Variants in MED13L observed in about 807,000 individuals in gnomAD.
MED13L encodes the protein mediator complex subunit 13L.
A neutral mutation model predicts 220.9 loss-of-function variants in MED13L; 7 were observed. The observed-to-expected ratio is 0.03, with a 90% CI of 0.02 to 0.06. The LOEUF (loss-of-function observed/expected upper bound fraction) is 0.06, where lower values mean the gene tolerates loss of function less well. Among genes scored for constraint, MED13L ranks in the 10% least tolerant of loss-of-function variants. The pLI, the probability that MED13L is intolerant of heterozygous loss-of-function variation, is 1.00. For missense variants in MED13L, 1,965 were observed against 2,760.5 expected (o/e 0.71, Z 6.46); for synonymous variants, 1,011 against 1,015.2 (o/e 1.00, Z 0.08).
At position 116,217,542 on chromosome 12, in the gene MED13L, A is replaced by C. The variant is rs576792804; in HGVS notation, c.310+19926T>G. Among the ~76,000 whole-genome samples, 18 of 152,314 alleles carry C rather than the reference A, an allele frequency of 1.2e-4. 1 individual carries two copies. The East Asian group carries it at 3.5e-3, about 29-fold the overall frequency. On this transcript the variant is annotated intron_variant, in intron 2 of 30. Transcript: ENST00000281928. ...TTACAAAAGTCAAAAAAATTGGCTAAACATTTTAAACAAGAGAAACAAACT... is the reference window on the plus strand; with the variant it reads ...TTACAAAAGTCAAAAAAATTGGCTACACATTTTAAACAAGAGAAACAAACT...
At position 116,019,132 on chromosome 12, in the gene MED13L, G is replaced by C. The variant is rs1003812431; in HGVS notation, c.1009+92C>G. The C allele has an allele frequency of 2.3e-6, 3 of 1,297,078 alleles. No homozygotes were observed. The African/African-American group carries it at 4.5e-5, about 19-fold the overall frequency. The allele number at this position is 1,297,078 out of a possible 1,614,324, so 80.3% of individuals were successfully genotyped here. On this transcript the variant is annotated intron_variant, in intron 7 of 30. Transcript: ENST00000281928. ...TCTACTACCTCCATCTCTTCCAACA[G>C]GAATTTCTGTTTTCTCACCTGTTCC...
intron 2 of MED13L, among the ~76,000 whole-genome samples, chr12:116,178,069 G>C (rs996019303): frequency 6.6e-6 from 1 of 151,982 alleles, no homozygotes; most frequent in Non-Finnish European, 1.5e-5. Flanking sequence ...GGTAGAGACT[G>C]GGTTTCACCA....
chr12:116,088,671 T>C (rs1871928573), intron 4 of MED13L, among the ~76,000 whole-genome samples: 1 of 147,584 alleles, frequency 6.8e-6, no homozygotes. Context: ...AAAGAGACAA[T>C]AGTTTGGAAT....
At chr12:116,216,741 A>G (rs2138374041) in intron 2 of MED13L, among the ~76,000 whole-genome samples, 1 of 152,330 alleles carries the variant, frequency 6.6e-6, no homozygotes, top group East Asian at 1.9e-4. Flanking sequence ...ATTCACAAAC[A>G]TTCTATTCAA....
chr12:115,973,746 A>G (rs1176865638), intron 25 of MED13L, among the ~76,000 whole-genome samples: 4 of 152,182 alleles, frequency 2.6e-5, no homozygotes, highest in Admixed American at 6.5e-5. Context: ...AATGTATTAG[A>G]CCTCCAGGCT....
At chr12:116,109,579 G>GT (rs1333988878) in intron 3 of MED13L, among the ~76,000 whole-genome samples, 8 of 152,104 alleles carry the variant, frequency 5.3e-5, no homozygotes, top group Admixed American at 5.2e-4. Flanking sequence ...CACATACCTT[G>GT]TAACTTTGTA....
At position 115,961,987 on chromosome 12, in the gene MED13L, C is replaced by A. The variant is rs144744927; in HGVS notation, c.6501-589G>T. Reference sequence around the variant, plus strand: ...CTCCAAAAAAAAAAGAAAAAGAAAACGAAAAAAAGAAAAGTATGTAAAATA... The same window carrying A: ...CTCCAAAAAAAAAAGAAAAAGAAAAAGAAAAAAAGAAAAGTATGTAAAATA... On this transcript the variant is annotated intron_variant, in intron 30 of 30. Transcript: ENST00000281928. Among the ~76,000 whole-genome samples, 1,348 of 150,820 alleles carry A rather than the reference C, an allele frequency of 8.9e-3. 21 individuals are homozygous for A. The highest frequency in any genetic ancestry group is 0.028 in the African/African-American group (1,169 of 41,112).
In MED13L at chr12:116,196,938, ATTC is replaced by A. The variant is rs746120414; in HGVS notation, c.310+40527_310+40529del. Among the ~76,000 whole-genome samples the A allele has an allele frequency of 3.3e-5, 5 of 152,216 alleles. No homozygotes were observed. The East Asian group carries it at 7.7e-4, about 23-fold the overall frequency. On this transcript the variant is annotated intron_variant, in intron 2 of 30. Coordinates refer to ENST00000281928, the MANE Select transcript of MED13L (RefSeq NM_015335.5). ...TTTATATCTAGTTATATACTTAGTA[ATTC>A]TTTTTGATGGGAATACATATCAATG...
chr12:116,078,196 C>T (rs573888122), intron 4 of MED13L, among the ~76,000 whole-genome samples: 13 of 150,934 alleles, frequency 8.6e-5, no homozygotes, highest in Middle Eastern at 3.5e-3. Context: ...CTCTGCTGTG[C>T]ATATGAATTA....
rs191162697 is a variant in MED13L, at chr12:116,115,845, A to G, written c.311-4333T>C. On this transcript the variant is annotated intron_variant, in intron 2 of 30. Coordinates refer to ENST00000281928, the MANE Select transcript of MED13L (RefSeq NM_015335.5). ...TCCATTAAAATGGCTTAAAAGAAAA[A>G]CTGACAATTCTACGTGCTGATTAAC... Among the ~76,000 whole-genome samples, 14 of 152,276 alleles carry G rather than the reference A, an allele frequency of 9.2e-5. No homozygotes were observed. The East Asian group carries it at 2.7e-3, about 29-fold the overall frequency.
At chr12:115,969,492 G>C (rs1025697549) in intron 27 of MED13L, among the ~76,000 whole-genome samples, 1 of 152,082 alleles carries the variant, frequency 6.6e-6, no homozygotes, top group African/African-American at 2.4e-5. Flanking sequence ...AACACCAGAG[G>C]CTGAATGAAT....
At chr12:116,090,366 C>T (rs947758735) in intron 4 of MED13L, among the ~76,000 whole-genome samples, 3 of 152,172 alleles carry the variant, frequency 2.0e-5, no homozygotes, top group East Asian at 1.9e-4. Flanking sequence ...CATAATCCTT[C>T]CCTCTCTACA....
chr12:116,130,208 C>A (rs913576677), intron 2 of MED13L, among the ~76,000 whole-genome samples: 5 of 152,126 alleles, frequency 3.3e-5, no homozygotes, highest in African/African-American at 1.2e-4. Context: ...GAAAAAAAAT[C>A]TTGGCCACAC....
chr12:116,252,029 G>C (rs1871610424), intron 1 of MED13L, among the ~76,000 whole-genome samples: 2 of 151,770 alleles, frequency 1.3e-5, no homozygotes, highest in African/African-American at 4.8e-5. Flanking sequence ...TAATAACAGA[G>C]CTTCAAAATA....
At chr12:116,050,268 T>C (rs929417465) in intron 4 of MED13L, among the ~76,000 whole-genome samples, 8 of 152,202 alleles carry the variant, frequency 5.3e-5, no homozygotes, top group Non-Finnish European at 1.2e-4. Context: ...TATATACATT[T>C]AGAAAATATG....
At chr12:116,027,156 C>T (rs1450547143) in intron 4 of MED13L, among the ~76,000 whole-genome samples, 4 of 152,178 alleles carry the variant, frequency 2.6e-5, no homozygotes, top group Non-Finnish European at 5.9e-5. Context: ...GGCAAGGTGG[C>T]TCACGCCTGT....
At chr12:116,165,475 C>A (rs942751684) in intron 2 of MED13L, among the ~76,000 whole-genome samples, 1 of 151,764 alleles carries the variant, frequency 6.6e-6, no homozygotes, top group Non-Finnish European at 1.5e-5. Flanking sequence ...GGACTATAGG[C>A]GCCCGCCACC....
intron 4 of MED13L, among the ~76,000 whole-genome samples, chr12:116,053,332 T>C (rs1224367074): frequency 1.1e-4 from 17 of 152,074 alleles, no homozygotes; most frequent in Admixed American, 1.1e-3. Flanking sequence ...AAGGTATACA[T>C]AAATACCAGA....
chr12:116,241,192 C>T (rs1054359503), intron 1 of MED13L, among the ~76,000 whole-genome samples: 2 of 151,666 alleles, frequency 1.3e-5, no homozygotes, highest in Admixed American at 6.6e-5. Flanking sequence ...GTAATCCCAG[C>T]TACTTGGGAG....
Sources: gnomAD v4.1 joint callset for allele counts (sites outside exome capture counted in the v4.1 genomes callset) on GRCh38, gnomAD v4.1.1 for gene constraint, MANE v1.5 for transcripts, NCBI Gene and HGNC (gene_info 2026-07-23, HGNC 2026-07-21) for gene names.